Variants in HMCN1 observed in about 807,000 individuals in gnomAD.
The protein encoded by HMCN1 is hemicentin-1.
A neutral mutation model predicts 625.9 loss-of-function variants in HMCN1; 321 were observed. That is an observed-to-expected ratio of 0.51 (90% CI 0.47 to 0.56). HMCN1 has a LOEUF of 0.56. Among genes scored for constraint, HMCN1 ranks in the 20% least tolerant of loss-of-function variants. The probability of loss-of-function intolerance (pLI) is 0.00; values close to 1 mark genes in which losing one functional copy is unlikely to be tolerated. For missense variants in HMCN1, 6,588 were observed against 6,887.3 expected (o/e 0.96, Z 1.54); for synonymous variants, 2,425 against 2,417.6 (o/e 1.00, Z -0.09).
chr1:186,164,930 T>C (rs1651783421), intron 97 of HMCN1, among the ~76,000 whole-genome samples, 181 bp from the exon 98 acceptor site: 1 of 152,208 alleles, frequency 6.6e-6, no homozygotes, highest in Non-Finnish European at 1.5e-5. Flanking sequence ...TGGACTGTGA[T>C]TCATGTACTT....
At chr1:185,869,320 A>T (rs185996888) in intron 4 of HMCN1, among the ~76,000 whole-genome samples, 1 of 152,336 alleles carries the variant, frequency 6.6e-6, no homozygotes, top group African/African-American at 2.4e-5. Context: ...GAGATAATAG[A>T]ATTATCCTTT....
chr1:186,007,389 C>T, intron 30 of HMCN1, 107 bp downstream of exon 30: 2 of 1,002,624 alleles, frequency 2.0e-6, no homozygotes, highest in East Asian at 2.4e-5. Context: ...ATTTGGAATA[C>T]TACATACTTC....
At chr1:186,185,863 A>T (rs949136691) in intron 105 of HMCN1, among the ~76,000 whole-genome samples, 1 of 152,174 alleles carries the variant, frequency 6.6e-6, no homozygotes, top group Non-Finnish European at 1.5e-5. Context: ...GAACCAATTT[A>T]CTCCATTTAA....
At chr1:186,007,688 C>A (rs1046870023) in intron 30 of HMCN1, among the ~76,000 whole-genome samples, 1 of 152,074 alleles carries the variant, frequency 6.6e-6, no homozygotes, top group South Asian at 2.1e-4. Context: ...CCATCGTGGC[C>A]GTTATCCTGA....
intron 20 of HMCN1, among the ~76,000 whole-genome samples, chr1:185,988,499 G>A (rs954451929): frequency 2.0e-5 from 3 of 152,190 alleles, no homozygotes; most frequent in African/African-American, 7.2e-5. Flanking sequence ...GTTGACATTT[G>A]TAAATAAATT....
chr1:185,796,948 T>C (rs1658429595), intron 1 of HMCN1, among the ~76,000 whole-genome samples: 1 of 152,218 alleles, frequency 6.6e-6, no homozygotes, highest in Admixed American at 6.5e-5. Flanking sequence ...TTGTACTACT[T>C]TACATTTCCA....
chr1:185,888,025 T>C lies in HMCN1; in HGVS notation c.622-21312T>C, dbSNP rs1159156625. Among the ~76,000 whole-genome samples, 930 of 140,514 alleles carry C rather than the reference T, an allele frequency of 6.6e-3. 8 individuals are homozygous for C. Among genetic ancestry groups the C allele is most frequent in the African/African-American group, 0.023 (826 of 35,594 alleles). The allele number at this position is 140,514 out of a possible 152,430, so 92.2% of individuals were successfully genotyped here. A position where few individuals can be genotyped will look rare whatever the true frequency, so the allele number is the denominator to read the frequency against. On this transcript the variant is annotated intron_variant, in intron 4 of 106. Coordinates refer to ENST00000271588, the MANE Select transcript of HMCN1 (RefSeq NM_031935.3). ...CTAACTGGTGTGAGATGGTATCTCATTGTGGTTTTGATTTGCATTTCACTG... is the reference window on the plus strand; with the variant it reads ...CTAACTGGTGTGAGATGGTATCTCACTGTGGTTTTGATTTGCATTTCACTG...
chr1:185,879,173 G>A (rs988881843), intron 4 of HMCN1, among the ~76,000 whole-genome samples: 1 of 151,918 alleles, frequency 6.6e-6, no homozygotes, highest in South Asian at 2.1e-4. Context: ...TGACCATATG[G>A]CCTTTTGTTT....
At chr1:186,055,723 A>G (rs1295691601) in intron 45 of HMCN1, 49 bp downstream of exon 45, 2 of 1,565,608 alleles carry the variant, frequency 1.3e-6, no homozygotes, top group East Asian at 2.2e-5. Flanking sequence ...AACGTAATCT[A>G]GCATCCTGGA....
intron 2 of HMCN1, among the ~76,000 whole-genome samples, chr1:185,858,940 C>A (rs1370371077): frequency 6.6e-6 from 1 of 151,618 alleles, no homozygotes; most frequent in Non-Finnish European, 1.5e-5. Flanking sequence ...TAGTCCTGTT[C>A]TGCCAAAGCT....
At chr1:185,751,837 C>T (rs975212445) in intron 1 of HMCN1, among the ~76,000 whole-genome samples, 1 of 151,778 alleles carries the variant, frequency 6.6e-6, no homozygotes, top group Non-Finnish European at 1.5e-5. Context: ...GGTTCCTTTT[C>T]AAATCTGCTT....
chr1:185,786,636 G>A (rs1009379550), intron 1 of HMCN1, among the ~76,000 whole-genome samples: 2 of 152,156 alleles, frequency 1.3e-5, no homozygotes, highest in African/African-American at 4.8e-5. Flanking sequence ...TCTTAAAAAT[G>A]TATTTAACCA....
chr1:185,744,354 G>A (rs930238286), intron 1 of HMCN1, among the ~76,000 whole-genome samples: 13 of 152,004 alleles, frequency 8.6e-5, no homozygotes, highest in African/African-American at 3.1e-4. Context: ...GTTATATAAC[G>A]ACTATAATAT....
rs919085787 is a variant in HMCN1, at chr1:185,888,780, T to A, written c.622-20557T>A. On this transcript the variant is annotated intron_variant, in intron 4 of 106. Transcript: ENST00000271588. Reference sequence around the variant, plus strand: ...TTTGTTCTTTTGGCTTAGGATTGACTTGGCGATGCGGGCTCTTTTTTGGTT... The same window carrying A: ...TTTGTTCTTTTGGCTTAGGATTGACATGGCGATGCGGGCTCTTTTTTGGTT... Among the ~76,000 whole-genome samples, 180 of 145,234 alleles carry A rather than the reference T, an allele frequency of 1.2e-3. 8 individuals are homozygous for A. The highest frequency in any genetic ancestry group is 2.0e-3 in the Non-Finnish European group (131 of 67,020).
At chr1:186,040,264 T>A (rs990659237) in intron 39 of HMCN1, among the ~76,000 whole-genome samples, 2 of 151,676 alleles carry the variant, frequency 1.3e-5, no homozygotes, top group Admixed American at 6.6e-5. Context: ...TAGTAATGAA[T>A]CAGAGACTAC....
intron 70 of HMCN1, 110 bp from the exon 71 acceptor site, chr1:186,108,351 G>A: frequency 2.7e-6 from 4 of 1,505,440 alleles, no homozygotes; most frequent in Admixed American, 1.7e-5. Context: ...TAAATTAAAT[G>A]AGTAATGTTT....
In HMCN1 at chr1:185,997,509, C is replaced by T; in HGVS notation, c.3859C>T (p.Pro1287Ser). 1 of 1,608,068 alleles carries T rather than the reference C, an allele frequency of 6.2e-7. No homozygotes were observed. The highest frequency in any genetic ancestry group is 2.2e-5 in the East Asian group (1 of 44,772). The change falls in exon 25 of 107, where the codon CCA (proline) becomes TCA (serine). Residue 1287 changes from proline to serine, a missense_variant. By Grantham distance (74) the Pro-to-Ser change is moderately conservative (BLOSUM62 -1). This residue lies in a region of HMCN1 where 4,628 missense variants were observed against 4,853.1 expected (regional missense o/e 0.95). Transcript: ENST00000271588. ...AGTGGCCAATCAACGCATTGAATTTCCATGTCCTGCAAAAGGTACGTAATA... is the reference window on the plus strand; with the variant it reads ...AGTGGCCAATCAACGCATTGAATTTTCATGTCCTGCAAAAGGTACGTAATA... ...ERVANQRIEFPCPAKGTPKPT... is the reference protein window; with the variant it reads ...ERVANQRIEFSCPAKGTPKPT...
chr1:185,762,911 T>C (rs558653592), intron 1 of HMCN1, among the ~76,000 whole-genome samples: 3 of 152,332 alleles, frequency 2.0e-5, no homozygotes, highest in African/African-American at 7.2e-5. Flanking sequence ...TCCATGTCCT[T>C]CTTGTCTTCC....
At position 186,182,224 on chromosome 1, in the gene HMCN1, G is replaced by C; in HGVS notation, c.16351G>C (p.Gly5451Arg). ...ACQHECKNTF[G>R]SYQCICPPGY... ...CCAGCATGAGTGTAAGAATACCTTT[G>C]GAAGTTATCAGTGCATCTGCCCACC... The change falls in exon 105 of 107, where the codon GGA becomes CGA. Residue 5451 changes from glycine (G) to arginine (R), a missense_variant. Gly to Arg is a moderately radical substitution (Grantham distance 125, BLOSUM62 -2). Around this residue, in one of 3 missense-constraint regions of HMCN1, gnomAD observed 1,954 missense variants for 2,013.1 expected, o/e 0.97. Transcript: ENST00000271588. 6.2e-7 allele frequency: 1 copy of C among 1,613,400 alleles called. No individual in the cohort carries two copies. The highest frequency in any genetic ancestry group is 8.5e-7 in the Non-Finnish European group (1 of 1,179,452).
Sources: gnomAD v4.1 joint callset for allele counts (sites outside exome capture counted in the v4.1 genomes callset) on GRCh38, gnomAD v4.1.1 for gene constraint, gnomAD v4.1.1 regional missense constraint, MANE v1.5 for transcripts, NCBI Gene and HGNC (gene_info 2026-07-23, HGNC 2026-07-21) for gene names.